DDR2: variants seen among roughly 807,000 people sequenced by gnomAD.
The protein encoded by DDR2 is discoidin domain receptor tyrosine kinase 2.
DDR2 carries 27 observed loss-of-function variants against 94.9 expected under a neutral mutation model. That is an observed-to-expected ratio of 0.28 (90% confidence interval 0.21 to 0.39). The LOEUF (loss-of-function observed/expected upper bound fraction) is 0.39, where lower values mean the gene tolerates loss of function less well. Ranked by LOEUF, DDR2 falls within the 10% of genes least tolerant of loss-of-function variation. The pLI, the probability that DDR2 is intolerant of heterozygous loss-of-function variation, is 1.00. For missense variants in DDR2, 783 were observed against 1,076.0 expected (o/e 0.73, Z 3.81); for synonymous variants, 382 against 377.2 (o/e 1.01, Z -0.15).
At chr1:162,662,276 G>A (rs994765893) in intron 2 of DDR2, among the ~76,000 whole-genome samples, 2 of 152,202 alleles carry the variant, frequency 1.3e-5, no homozygotes, top group Non-Finnish European at 2.9e-5. Flanking sequence ...GTAACAGGAT[G>A]CAGGAAAAAC....
At chr1:162,647,821 G>C (rs921659422) in intron 1 of DDR2, among the ~76,000 whole-genome samples, 1 of 152,176 alleles carries the variant, frequency 6.6e-6, no homozygotes, top group African/African-American at 2.4e-5. Flanking sequence ...TCTTGGTTTT[G>C]GTGGGATTTG....
At chr1:162,668,212 A>G (rs973606498) in intron 2 of DDR2, among the ~76,000 whole-genome samples, 2 of 152,208 alleles carry the variant, frequency 1.3e-5, no homozygotes, top group Non-Finnish European at 2.9e-5. Flanking sequence ...TGTAAATACA[A>G]TTTTATTGGA....
At chr1:162,753,504 G>T (rs1180650679) in intron 4 of DDR2, among the ~76,000 whole-genome samples, 1 of 152,182 alleles carries the variant, frequency 6.6e-6, no homozygotes, top group Non-Finnish European at 1.5e-5. Context: ...ATTGTGAGCT[G>T]CTGCAGGAGG....
Position 162,777,675 on chromosome 1 carries a change from G to C in DDR2, c.2284-905G>C, listed in dbSNP as rs1248534838. The C allele has an allele frequency of 2.6e-5, 4 of 152,302 alleles. No homozygotes were observed. The East Asian group carries it at 7.7e-4, about 29-fold the overall frequency. 9.4% of individuals were successfully genotyped at this position (152,302 alleles called of 1,614,324 possible). A position where few individuals can be genotyped will look rare whatever the true frequency, so the allele number is the denominator to read the frequency against. ...CCACTACTAATGGTCTTATTAACCA[G>C]AAGAATTTGGGAAACCTCTCCTGTT... is the stretch of plus-strand genomic sequence containing the variant. On this transcript the variant is annotated intron_variant, in intron 16 of 17. Coordinates refer to ENST00000367921, the MANE Select transcript of DDR2 (RefSeq NM_006182.4).
intron 2 of DDR2, among the ~76,000 whole-genome samples, chr1:162,694,556 G>T (rs1259264714): frequency 6.6e-6 from 1 of 151,926 alleles, no homozygotes; most frequent in Admixed American, 6.6e-5. Context: ...TTCTCCTATC[G>T]TTGCCCCGTC....
chr1:162,632,408 T>G (rs1316497616), upstream of DDR2: 2 of 152,160 alleles, frequency 1.3e-5, no homozygotes, highest in African/African-American at 4.8e-5. Flanking sequence ...TGCAATATAT[T>G]GGATGCTGGG....
At chr1:162,666,003 C>G (rs1658531835) in intron 2 of DDR2, among the ~76,000 whole-genome samples, 1 of 152,096 alleles carries the variant, frequency 6.6e-6, no homozygotes, top group Non-Finnish European at 1.5e-5. Context: ...TGCATTGCTC[C>G]CCTTTTTTCT....
chr1:162,644,028 G>A (rs970771256), intron 1 of DDR2, among the ~76,000 whole-genome samples: 1 of 152,134 alleles, frequency 6.6e-6, no homozygotes, highest in Admixed American at 6.5e-5. Flanking sequence ...GAAAACCCTG[G>A]ATACACTTGC....
chr1:162,637,453 C>G (rs1656882465), intron 1 of DDR2, among the ~76,000 whole-genome samples: 1 of 151,932 alleles, frequency 6.6e-6, no homozygotes, highest in African/African-American at 2.4e-5. Flanking sequence ...GAACAAAATG[C>G]AGAGTTCTCA....
At chr1:162,648,810 T>C (rs775481601) in intron 1 of DDR2, among the ~76,000 whole-genome samples, 1 of 152,126 alleles carries the variant, frequency 6.6e-6, no homozygotes, top group Non-Finnish European at 1.5e-5. Flanking sequence ...TGATGTGGAA[T>C]GTATGAGAAC....
At chr1:162,701,142 C>G (rs4575061) in intron 2 of DDR2, among the ~76,000 whole-genome samples, 2 of 151,496 alleles carry the variant, frequency 1.3e-5, no homozygotes, top group African/African-American at 4.9e-5. Context: ...TATAGCTGAC[C>G]GTAGTAGATA....
In DDR2 at chr1:162,784,578, A is replaced by G. The variant is rs1648071630; in HGVS notation, c.*4332A>G. On this transcript the variant is annotated 3_prime_UTR_variant, in exon 18 of 18. Coordinates refer to ENST00000367921, the MANE Select transcript of DDR2 (RefSeq NM_006182.4). ...GTAAATGTTTTCAAGAGCTGAATTG[A>G]GAAGGAAAGAGACTGGAGTGGTTAA... 6.6e-6 allele frequency: 1 copy of G among 152,246 alleles called. No homozygotes were observed. The highest frequency in any genetic ancestry group is 6.6e-5 in the Admixed American group (1 of 15,252). 9.4% of individuals were successfully genotyped at this position (152,246 alleles called of 1,614,324 possible).
intron 1 of DDR2, among the ~76,000 whole-genome samples, chr1:162,637,164 A>G (rs1257895222): frequency 6.6e-6 from 1 of 152,114 alleles, no homozygotes; most frequent in Non-Finnish European, 1.5e-5. Flanking sequence ...AACCCCATGA[A>G]GTTACAAGCA....
At chr1:162,770,183 TGGGGTTAAACA>T (rs2102180161) in intron 11 of DDR2, 108 bp from the exon 12 acceptor site, 1 of 992,872 alleles carries the variant, frequency 1.0e-6, no homozygotes, top group Admixed American at 1.7e-5. Flanking sequence ...GCAGTGTTGC[TGGGGTTAAACA>T]GTAGTAAAGA....
intron 3 of DDR2, among the ~76,000 whole-genome samples, chr1:162,749,137 G>A (rs372115306): frequency 5.3e-5 from 8 of 152,018 alleles, no homozygotes; most frequent in Non-Finnish European, 7.4e-5. Flanking sequence ...CTAGCAGAAG[G>A]CAAGAAATAA....
intron 2 of DDR2, among the ~76,000 whole-genome samples, chr1:162,657,177 G>C (rs147456709): frequency 5.9e-5 from 9 of 151,996 alleles, no homozygotes; most frequent in Admixed American, 5.9e-4. Flanking sequence ...ATTACTATTA[G>C]AATATTCAAG....
intron 3 of DDR2, among the ~76,000 whole-genome samples, chr1:162,732,193 T>A (rs1662086034): frequency 6.6e-6 from 1 of 152,146 alleles, no homozygotes; most frequent in African/African-American, 2.4e-5. Context: ...GTGCAAGAGG[T>A]CTGGGTGACC....
intron 2 of DDR2, among the ~76,000 whole-genome samples, chr1:162,716,369 G>A (rs767806323): frequency 1.3e-5 from 2 of 152,116 alleles, no homozygotes; most frequent in Non-Finnish European, 2.9e-5. Flanking sequence ...CAAAGAGCTC[G>A]GGTCTCTCTG....
chr1:162,658,634 T>A (rs1280324763), intron 2 of DDR2, among the ~76,000 whole-genome samples: 3 of 128,508 alleles, frequency 2.3e-5, no homozygotes. Context: ...GAGAGCAGCT[T>A]GGGCAACGTG....
Sources: gnomAD v4.1 joint callset for allele counts (sites outside exome capture counted in the v4.1 genomes callset) on GRCh38, gnomAD v4.1.1 for gene constraint, MANE v1.5 for transcripts, NCBI Gene and HGNC (gene_info 2026-07-23, HGNC 2026-07-21) for gene names.